DYRK1A: variants seen among roughly 807,000 people sequenced by gnomAD.
The protein encoded by DYRK1A is dual specificity tyrosine-phosphorylation-regulated kinase 1A.
A neutral mutation model predicts 79.7 loss-of-function variants in DYRK1A; 9 were observed. The observed-to-expected ratio is 0.11, with a 90% CI of 0.07 to 0.20. DYRK1A has a LOEUF of 0.20. Among genes scored for constraint, DYRK1A ranks in the 10% least tolerant of loss-of-function variants. The pLI is 1.00. For synonymous variants in DYRK1A, 349 were observed against 329.7 expected, an observed-to-expected ratio of 1.06 and a Z score of -0.63; for missense variants, 622 against 956.0, an observed-to-expected ratio of 0.65 and a Z score of 4.61.
intron 1 of DYRK1A, among the ~76,000 whole-genome samples, chr21:37,394,492 C>T (rs1350147014): frequency 1.3e-5 from 2 of 152,220 alleles, no homozygotes; most frequent in Non-Finnish European, 2.9e-5. Context: ...GCCACTGGGC[C>T]GTGGACCGGT....
chr21:37,454,448 A>G (rs2051567865), intron 2 of DYRK1A, among the ~76,000 whole-genome samples: 1 of 151,988 alleles, frequency 6.6e-6, no homozygotes, highest in African/African-American at 2.4e-5. Flanking sequence ...ACATGGAGCA[A>G]CCTCTGTCAA....
At chr21:37,501,431 G>A (rs2053447751) in intron 9 of DYRK1A, 1 of 151,964 alleles carries the variant, frequency 6.6e-6, no homozygotes, top group Admixed American at 6.6e-5. Flanking sequence ...TCCTCCCAAA[G>A]TGCTGGGGTT....
chr21:37,484,868 C>G (rs2052797960), intron 5 of DYRK1A, among the ~76,000 whole-genome samples: 1 of 152,186 alleles, frequency 6.6e-6, no homozygotes, highest in South Asian at 2.1e-4. Flanking sequence ...CAGACTGATA[C>G]TTCCCCTCTT....
intron 1 of DYRK1A, among the ~76,000 whole-genome samples, chr21:37,385,229 A>G (rs2049737090): frequency 2.0e-5 from 3 of 152,134 alleles, no homozygotes; most frequent in Non-Finnish European, 4.4e-5. Flanking sequence ...TAAAATATAC[A>G]CTTCCATTTA....
chr21:37,479,600 G>GGTTTTGTTTTTTTTTTTTTTTTT (rs2052533897), intron 4 of DYRK1A, among the ~76,000 whole-genome samples: 1 of 22,794 alleles, frequency 4.4e-5, no homozygotes, highest in Non-Finnish European at 7.2e-5. Flanking sequence ...TTTTGTTTTT[G>GGTTTTGTTTTTTTTTTTTTTTTT]TTTTTGTTTT....
intron 2 of DYRK1A, among the ~76,000 whole-genome samples, chr21:37,467,855 G>A (rs1269471418): frequency 1.2e-4 from 18 of 152,146 alleles, no homozygotes; most frequent in Admixed American, 1.1e-3. Context: ...TGTACTAAAG[G>A]TCCCAGCAAG....
chr21:37,457,037 C>CT (rs1555971882), intron 2 of DYRK1A, among the ~76,000 whole-genome samples: 12 of 59,228 alleles, frequency 2.0e-4, no homozygotes, highest in Admixed American at 1.6e-3. Context: ...TACTTACTTA[C>CT]TTATTTATTT....
intron 2 of DYRK1A, among the ~76,000 whole-genome samples, chr21:37,467,125 AAC>A (rs2052056053): frequency 6.6e-6 from 1 of 151,918 alleles, no homozygotes; most frequent in African/African-American, 2.4e-5. Context: ...AAAAAAACAA[AAC>A]AAAAAAACGG....
chr21:37,397,562 A>G (rs1345347410), intron 1 of DYRK1A, among the ~76,000 whole-genome samples: 8 of 152,176 alleles, frequency 5.3e-5, no homozygotes, highest in Admixed American at 1.3e-4. Context: ...GCAGGAACCT[A>G]TAGTTCTCTT....
At chr21:37,373,205 C>T (rs1282606193) in intron 1 of DYRK1A, among the ~76,000 whole-genome samples, 2 of 152,080 alleles carry the variant, frequency 1.3e-5, no homozygotes, top group East Asian at 1.9e-4. Flanking sequence ...TAGATAGCAC[C>T]GGCTGCCCTG....
chr21:37,378,196 A>G (rs1037973716), intron 1 of DYRK1A, among the ~76,000 whole-genome samples: 4 of 152,244 alleles, frequency 2.6e-5, no homozygotes, highest in Admixed American at 2.6e-4. Flanking sequence ...TATTTTAAAT[A>G]ACAAAATAAT....
intron 11 of DYRK1A, among the ~76,000 whole-genome samples, chr21:37,511,256 A>G (rs1406721388): frequency 6.6e-6 from 1 of 152,218 alleles, no homozygotes; most frequent in African/African-American, 2.4e-5. Flanking sequence ...TTCTAAGTGC[A>G]GTGAGAAGTC....
chr21:37,417,523 CTTTTTCTTTTTTTTT>C (rs1165916540), intron 1 of DYRK1A, among the ~76,000 whole-genome samples: 2 of 47,160 alleles, frequency 4.2e-5, no homozygotes, highest in African/African-American at 1.9e-4. Context: ...TTTTCTTTTT[CTTTTTCTTTTTTTTT>C]TTTTTTTTTT....
intron 2 of DYRK1A, among the ~76,000 whole-genome samples, chr21:37,423,877 CAT>C (rs935708681): frequency 1.3e-5 from 2 of 152,000 alleles, no homozygotes; most frequent in African/African-American, 2.4e-5. Flanking sequence ...TATATATACT[CAT>C]ATATATGAAT....
intron 1 of DYRK1A, among the ~76,000 whole-genome samples, chr21:37,397,687 C>G (rs1325699815): frequency 6.6e-6 from 1 of 152,148 alleles, no homozygotes; most frequent in Admixed American, 6.6e-5. Flanking sequence ...TGCCTGGGGT[C>G]CTTGTTCAAA....
intron 1 of DYRK1A, chr21:37,419,606 G>A (rs1196065139): frequency 6.6e-6 from 1 of 152,188 alleles, no homozygotes; most frequent in African/African-American, 2.4e-5. Flanking sequence ...TTAGAAGTTA[G>A]ATTTTAGCTT....
chr21:37,435,401 A>G (rs1413618570), intron 2 of DYRK1A, among the ~76,000 whole-genome samples: 1 of 152,200 alleles, frequency 6.6e-6, no homozygotes, highest in Admixed American at 6.5e-5. Context: ...AGAGACATTG[A>G]TAAATGAGCG....
At chr21:37,420,919 TTG>T (rs2050458588) in intron 2 of DYRK1A, among the ~76,000 whole-genome samples, 1 of 152,126 alleles carries the variant, frequency 6.6e-6, no homozygotes, top group Non-Finnish European at 1.5e-5. Context: ...CTTTTGTCAT[TTG>T]TATTTTTATA....
chr21:37,426,366 A>G (rs1010378935), intron 2 of DYRK1A, among the ~76,000 whole-genome samples: 3 of 152,332 alleles, frequency 2.0e-5, no homozygotes, highest in South Asian at 4.1e-4. Context: ...AAGGAGCCGA[A>G]TATTATTACT....
Sources: gnomAD v4.1 joint callset for allele counts (sites outside exome capture counted in the v4.1 genomes callset) on GRCh38, gnomAD v4.1.1 for gene constraint, MANE v1.5 for transcripts, NCBI Gene and HGNC (gene_info 2026-07-23, HGNC 2026-07-21) for gene names.